COL26A1: variants seen among roughly 807,000 people sequenced by gnomAD.
The protein encoded by COL26A1 is collagen type XXVI alpha 1 chain, also known as collagen alpha-1(XXVI) chain.
COL26A1 carries 41 observed loss-of-function variants against 59.3 expected under a neutral mutation model. The observed-to-expected ratio is 0.69, with a 90% CI of 0.54 to 0.90. COL26A1 has a LOEUF of 0.90. Ranked by LOEUF, COL26A1 falls within the 40% of genes least tolerant of loss-of-function variation. The pLI is 0.00. For missense variants in COL26A1, 612 were observed against 602.3 expected, an observed-to-expected ratio of 1.02 and a Z score of -0.17; for synonymous variants, 266 against 256.0, an observed-to-expected ratio of 1.04 and a Z score of -0.37.
At chr7:101,362,819 A>G, upstream of COL26A1, 1 of 540,988 alleles carries the variant, frequency 1.8e-6, no homozygotes, top group Non-Finnish European at 3.2e-6. Context: ...GCCCCCTTTG[A>G]CGGCTTAGAG....
At chr7:101,489,662 T>TTTCTG (rs1794353126) in intron 3 of COL26A1, among the ~76,000 whole-genome samples, 2 of 53,732 alleles carry the variant, frequency 3.7e-5, no homozygotes, top group South Asian at 5.3e-4. Context: ...TCTTTCTTTC[T>TTTCTG]TCCTTCCTTC....
In COL26A1 at chr7:101,423,683, C is replaced by T. The variant is rs941772742; in HGVS notation, c.281+3584C>T. The stretch of plus-strand genomic sequence containing the variant: ...CTGGCAGGCGGAGGTTGCAGTGAGC[C>T]GAGATCGCACCACCGCACTACAGCC... On this transcript the variant is annotated intron_variant, in intron 2 of 12. Coordinates refer to ENST00000313669, the MANE Select transcript of COL26A1 (RefSeq NM_001278563.3). Among the ~76,000 whole-genome samples the T allele has an allele frequency of 5.9e-5, 9 of 151,918 alleles. 1 individual carries two copies. The highest frequency in any genetic ancestry group is 1.9e-4 in the African/African-American group (8 of 41,416).
At chr7:101,418,746 G>A (rs140047630) in intron 1 of COL26A1, among the ~76,000 whole-genome samples, 7 of 152,064 alleles carry the variant, frequency 4.6e-5, no homozygotes, top group East Asian at 3.9e-4. Context: ...GCCACCACCC[G>A]GCCAGGGACT....
chr7:101,508,082 C>T (rs1794849522), intron 3 of COL26A1, among the ~76,000 whole-genome samples: 1 of 152,214 alleles, frequency 6.6e-6, no homozygotes. Flanking sequence ...CCTCCAGCCT[C>T]ATGTCTTCCA....
intron 9 of COL26A1, among the ~76,000 whole-genome samples, chr7:101,549,911 A>T (rs1377974690): frequency 6.6e-6 from 1 of 152,098 alleles, no homozygotes; most frequent in Non-Finnish European, 1.5e-5. Context: ...GGGAGGCGGC[A>T]CCCCAAGCCT....
chr7:101,462,944 ATAAT>A (rs1793650253), intron 3 of COL26A1, among the ~76,000 whole-genome samples: 1 of 152,204 alleles, frequency 6.6e-6, no homozygotes, highest in Non-Finnish European at 1.5e-5. Context: ...ATCAAAGCAC[ATAAT>A]TAACAATAAA....
intron 1 of COL26A1, among the ~76,000 whole-genome samples, chr7:101,378,708 C>T (rs1037184033): frequency 6.6e-6 from 1 of 152,004 alleles, no homozygotes; most frequent in Non-Finnish European, 1.5e-5. Context: ...GGTTTGCAGC[C>T]TAAATATTAT....
chr7:101,477,161 A>G (rs1418996128), intron 3 of COL26A1, among the ~76,000 whole-genome samples: 1 of 151,890 alleles, frequency 6.6e-6, no homozygotes, highest in African/African-American at 2.4e-5. Context: ...ACTTTTTTGT[A>G]AGGGTTAAGG....
rs113966699 is a variant in COL26A1, at chr7:101,452,428, A to G, written c.385+4641A>G. On this transcript the variant is annotated intron_variant, in intron 3 of 12. Transcript: ENST00000313669. ...AGGTGTCCACCCTCAAGGGCTTGGC[A>G]CTTCCCTTCAAGAAGAAATTTCTTA... Among the ~76,000 whole-genome samples the G allele has an allele frequency of 4.4e-3, 668 of 152,282 alleles. 5 individuals are homozygous for G. The highest frequency in any genetic ancestry group is 0.015 in the African/African-American group (632 of 41,556).
At chr7:101,428,818 T>G (rs1000654433) in intron 2 of COL26A1, among the ~76,000 whole-genome samples, 2 of 152,136 alleles carry the variant, frequency 1.3e-5, no homozygotes, top group Non-Finnish European at 2.9e-5. Flanking sequence ...CGCAAATAAT[T>G]TTATCCCATT....
intron 11 of COL26A1, among the ~76,000 whole-genome samples, chr7:101,555,069 C>A (rs1795942443): frequency 7.0e-6 from 1 of 143,128 alleles, no homozygotes; most frequent in Non-Finnish European, 1.5e-5. Flanking sequence ...ACTCCCAGGG[C>A]TGGGCAGGAT....
intron 2 of COL26A1, among the ~76,000 whole-genome samples, chr7:101,420,336 G>A (rs1195322651): frequency 6.8e-6 from 1 of 146,270 alleles, no homozygotes; most frequent in Non-Finnish European, 1.6e-5. Flanking sequence ...CCCAGTGGGT[G>A]TTTGACAGAC....
chr7:101,403,521 C>T (rs1208221159), intron 1 of COL26A1, among the ~76,000 whole-genome samples: 1 of 147,320 alleles, frequency 6.8e-6, no homozygotes, highest in Non-Finnish European at 1.5e-5. Context: ...TCTGCTTCAA[C>T]AACAACAACA....
intron 1 of COL26A1, among the ~76,000 whole-genome samples, chr7:101,371,066 G>A (rs915874327): frequency 2.0e-5 from 3 of 152,194 alleles, no homozygotes; most frequent in African/African-American, 7.2e-5. Context: ...TGCATGAGCT[G>A]GAGCTTAGCC....
intron 3 of COL26A1, among the ~76,000 whole-genome samples, chr7:101,484,840 T>TTTAATTAATTAA (rs138487721): frequency 4.8e-5 from 7 of 147,226 alleles, no homozygotes; most frequent in Non-Finnish European, 6.0e-5. Context: ...TTTTTGTATT[T>TTTAATTAATTAA]TTAATTAATT....
At chr7:101,456,969 G>C (rs1262145215) in intron 3 of COL26A1, among the ~76,000 whole-genome samples, 1 of 152,230 alleles carries the variant, frequency 6.6e-6, no homozygotes, top group African/African-American at 2.4e-5. Flanking sequence ...TGGTATTACA[G>C]TAAAGAAGTA....
intron 11 of COL26A1, among the ~76,000 whole-genome samples, chr7:101,554,475 T>C (rs1233791843): frequency 2.7e-5 from 4 of 150,054 alleles, no homozygotes; most frequent in African/African-American, 9.9e-5. Context: ...GCCTGGCCTG[T>C]AATCCCAGCA....
At chr7:101,459,864 C>A (rs775651423) in intron 3 of COL26A1, among the ~76,000 whole-genome samples, 2 of 152,076 alleles carry the variant, frequency 1.3e-5, no homozygotes, top group African/African-American at 2.4e-5. Context: ...TCCATCCAAG[C>A]GTGGAGCTGA....
intron 2 of COL26A1, among the ~76,000 whole-genome samples, chr7:101,423,454 GC>G (rs1259634268): frequency 6.6e-6 from 1 of 152,160 alleles, no homozygotes; most frequent in Non-Finnish European, 1.5e-5. Flanking sequence ...CTGGGGTCCG[GC>G]CCGGCGTGGT....
Sources: gnomAD v4.1 joint callset for allele counts (sites outside exome capture counted in the v4.1 genomes callset) on GRCh38, gnomAD v4.1.1 for gene constraint, MANE v1.5 for transcripts, NCBI Gene and HGNC (gene_info 2026-07-23, HGNC 2026-07-21) for gene names.